Variants in SLC9A4 observed in about 807,000 individuals in gnomAD.
The protein encoded by SLC9A4 is solute carrier family 9 member A4.
SLC9A4 carries 63 observed loss-of-function variants against 67.4 expected under a neutral mutation model. The ratio of observed to expected loss-of-function variants is 0.93; its 90% confidence interval spans 0.76 to 1.15. SLC9A4 has a LOEUF of 1.15. Ranked by LOEUF, SLC9A4 falls within the 50% of genes most tolerant of loss-of-function variation. The pLI is 0.00. For synonymous variants in SLC9A4, 393 were observed against 367.2 expected, an observed-to-expected ratio of 1.07 and a Z score of -0.80; for missense variants, 1,089 against 987.7, an observed-to-expected ratio of 1.10 and a Z score of -1.38.
intron 2 of SLC9A4, among the ~76,000 whole-genome samples, chr2:102,493,135 C>T (rs1038198599): frequency 1.3e-5 from 2 of 152,186 alleles, no homozygotes; most frequent in Non-Finnish European, 2.9e-5. Flanking sequence ...TTTCACACAC[C>T]TTCCTGTCTT....
At chr2:102,532,272 G>A in intron 11 of SLC9A4, 58 bp from the exon 12 acceptor site, 2 of 1,544,338 alleles carry the variant, frequency 1.3e-6, no homozygotes, top group South Asian at 1.2e-5. Flanking sequence ...TGGATATTAA[G>A]TCTTAACTCT....
rs1221448424 is a variant in SLC9A4 at position 102,532,819 on chromosome 2, T to C, written c.*131T>C. 6.1e-6 allele frequency: 6 copies of C among 989,582 alleles called. No homozygotes were observed. The highest frequency in any genetic ancestry group is 1.6e-5 in the African/African-American group (1 of 61,216). The allele number at this position is 989,582 out of a possible 1,614,324, so 61.3% of individuals were successfully genotyped here. ...GTTGAAGCTATTAAACATGGATCTA[T>C]AAGCAGCAGGAAGATTTTTTCCAAG... On this transcript the variant is annotated 3_prime_UTR_variant, in exon 12 of 12. Coordinates refer to ENST00000295269, the MANE Select transcript of SLC9A4 (RefSeq NM_001011552.4).
chr2:102,474,142 C>T, intron 1 of SLC9A4, 127 bp downstream of exon 1: 1 of 1,147,000 alleles, frequency 8.7e-7, no homozygotes, highest in Non-Finnish European at 1.2e-6. Flanking sequence ...AAATTCTCTT[C>T]CCTTCAGTCA....
At position 102,505,470 on chromosome 2, in the gene SLC9A4, C is replaced by T. The variant is rs1199236196; in HGVS notation, c.1197C>T (p.Ile399=). The change falls in exon 4 of 12, where the codon ATC becomes ATT. Residue 399 remains isoleucine (I), a splice_region_variant and synonymous_variant. Transcript: ENST00000295269. ...CCTTCTGCCAAATCTGGAGAGCCAT[C>T]AGTAAGAGACGGCAGGGCTCCAGAG... ...TLAFCQIWRA[I]SVFALFYISN... 1.2e-6 allele frequency: 2 copies of T among 1,613,534 alleles called. No individual in the cohort carries two copies. The highest frequency in any genetic ancestry group is 1.7e-5 in the Admixed American group (1 of 60,034).
chr2:102,486,648 C>G (rs1227810893), intron 2 of SLC9A4, among the ~76,000 whole-genome samples: 1 of 152,116 alleles, frequency 6.6e-6, no homozygotes, highest in Non-Finnish European at 1.5e-5. Flanking sequence ...GTATGGGGGG[C>G]GTGGACCTAC....
At chr2:102,490,849 G>T (rs868332196) in intron 2 of SLC9A4, among the ~76,000 whole-genome samples, 14 of 152,136 alleles carry the variant, frequency 9.2e-5, no homozygotes, top group African/African-American at 3.1e-4. Context: ...TTTCTTACTT[G>T]TACTACTTGC....
At chr2:102,486,351 A>G (rs1684589324) in intron 2 of SLC9A4, among the ~76,000 whole-genome samples, 2 of 152,168 alleles carry the variant, frequency 1.3e-5, no homozygotes, top group Non-Finnish European at 2.9e-5. Flanking sequence ...GTTTGGTGTT[A>G]TTCATCCAAG....
At position 102,503,602 on chromosome 2, in the gene SLC9A4, C is replaced by A; in HGVS notation, c.875C>A (p.Thr292Lys). The change falls in exon 3 of 12, where the codon ACA becomes AAA. Residue 292 changes from threonine to lysine, a missense_variant. Physicochemically the swap from Thr to Lys is moderately conservative, Grantham distance 78. Coordinates refer to ENST00000295269, the MANE Select transcript of SLC9A4 (RefSeq NM_001011552.4). The part of the protein sequence containing the change: ...IVFGFISAFI[T>K]RFTQNISAIE... Reference sequence around the variant, plus strand: ...TTTGGATTTATTTCTGCATTTATCACACGTTTCACTCAGAATATCTCTGCA... The same window carrying A: ...TTTGGATTTATTTCTGCATTTATCAAACGTTTCACTCAGAATATCTCTGCA... 1 of 1,614,154 alleles carries A rather than the reference C, an allele frequency of 6.2e-7. No homozygotes were observed. Among genetic ancestry groups the A allele is most frequent in the Non-Finnish European group, 8.5e-7 (1 of 1,180,016 alleles).
chr2:102,527,768 T>C (rs915490504), intron 11 of SLC9A4, among the ~76,000 whole-genome samples: 4 of 152,258 alleles, frequency 2.6e-5, no homozygotes, highest in African/African-American at 7.2e-5. Flanking sequence ...ATCTGTGATA[T>C]CGTAGCATAA....
chr2:102,492,319 C>T (rs1573334460), intron 2 of SLC9A4, among the ~76,000 whole-genome samples: 1 of 152,240 alleles, frequency 6.6e-6, no homozygotes, highest in Non-Finnish European at 1.5e-5. Context: ...TCTGCACTGT[C>T]CTAGCTGAAG....
chr2:102,476,244 G>A (rs1481505042), intron 1 of SLC9A4, among the ~76,000 whole-genome samples: 1 of 152,202 alleles, frequency 6.6e-6, no homozygotes, highest in African/African-American at 2.4e-5. Context: ...CCACATCTTA[G>A]AACATCACAG....
chr2:102,485,008 A>G (rs879612792), intron 2 of SLC9A4, among the ~76,000 whole-genome samples: 9 of 152,218 alleles, frequency 5.9e-5, no homozygotes, highest in Admixed American at 5.9e-4. Context: ...ATTCACCTTG[A>G]TGGGTGCTTC....
intron 2 of SLC9A4, among the ~76,000 whole-genome samples, chr2:102,497,140 C>T (rs1174798699): frequency 6.6e-6 from 1 of 152,168 alleles, no homozygotes. Context: ...ACCATGTAAG[C>T]CAGGCTGATC....
chr2:102,529,669 A>G (rs1674738234), intron 11 of SLC9A4, among the ~76,000 whole-genome samples: 1 of 152,220 alleles, frequency 6.6e-6, no homozygotes, highest in East Asian at 1.9e-4. Flanking sequence ...GTCTTTCTGC[A>G]CCAGGAGAAT....
rs541402578 is a variant in SLC9A4 at position 102,528,246 on chromosome 2, G to A, written c.2038+1900G>A. ...TAGTCTTGAACTCCTGACCTCAGGT[G>A]ATCCCCCTGACTCAGCCTCCCAAAG... On this transcript the variant is annotated intron_variant, in intron 11 of 11. Coordinates refer to ENST00000295269, the MANE Select transcript of SLC9A4 (RefSeq NM_001011552.4). Among the ~76,000 whole-genome samples, 9 of 152,200 alleles carry A rather than the reference G, an allele frequency of 5.9e-5. No individual in the cohort carries two copies. In the South Asian group the frequency reaches 1.9e-3, roughly 32 times the overall value.
At chr2:102,500,346 A>ACATCTC (rs1684899416) in intron 2 of SLC9A4, among the ~76,000 whole-genome samples, 9 of 152,350 alleles carry the variant, frequency 5.9e-5, no homozygotes, top group African/African-American at 2.2e-4. Flanking sequence ...CGACATCTCG[A>ACATCTC]GTCCAGACTC....
intron 1 of SLC9A4, among the ~76,000 whole-genome samples, chr2:102,475,528 A>G (rs1045204966): frequency 2.4e-4 from 37 of 152,220 alleles, no homozygotes; most frequent in African/African-American, 8.2e-4. Flanking sequence ...GAGGCATTGT[A>G]TGCACCCAGA....
Position 102,508,914 on chromosome 2 carries a change from A to T in SLC9A4, c.1469A>T (p.Asn490Ile). ...VKKTNKKESI[N>I]EELHIRLMDH... ...AAAACCAATAAAAAAGAATCCATCA[A>T]TGAAGAGCTTCATATTCGTGTAAGT... Residue 490 changes from asparagine to isoleucine, a missense_variant, in exon 6 of 12, where the codon AAT (asparagine) becomes ATT (isoleucine). Transcript: ENST00000295269. 14 of 1,612,762 alleles carry T rather than the reference A, an allele frequency of 8.7e-6. No individual in the cohort carries two copies. Among genetic ancestry groups the T allele is most frequent in the Non-Finnish European group, 1.0e-5 (12 of 1,179,498 alleles).
chr2:102,490,835 T>C (rs374154833), intron 2 of SLC9A4, among the ~76,000 whole-genome samples: 2 of 152,166 alleles, frequency 1.3e-5, no homozygotes, highest in South Asian at 4.1e-4. Flanking sequence ...ACAACAAAGG[T>C]TTATTTCTTA....
Sources: allele counts gnomAD v4.1 joint callset (sites outside exome capture counted in the v4.1 genomes callset), GRCh38; gene constraint gnomAD v4.1.1; transcripts MANE v1.5; gene names NCBI Gene and HGNC (gene_info 2026-07-23, HGNC 2026-07-21).